CCDC187: variants seen among roughly 807,000 people sequenced by gnomAD.
CCDC187 encodes the protein coiled-coil domain containing 187.
CCDC187 carries 32 observed loss-of-function variants against 38.0 expected under a neutral mutation model. The observed-to-expected ratio is 0.84, with a 90% CI of 0.64 to 1.13. The LOEUF is 1.13. Ranked by LOEUF, CCDC187 falls within the 50% of genes most tolerant of loss-of-function variation. CCDC187 has a pLI of 0.00. For synonymous variants in CCDC187, 333 were observed against 347.9 expected (o/e 0.96, Z 0.48); for missense variants, 707 against 786.8 (o/e 0.90, Z 1.21).
At chr9:136,295,372 A>AT (rs1288066663) in intron 4 of CCDC187, among the ~76,000 whole-genome samples, 1 of 152,090 alleles carries the variant, frequency 6.6e-6, no homozygotes, top group African/African-American at 2.4e-5. Flanking sequence ...TGATGGGCAC[A>AT]TTTTTTCTTC....
intron 14 of CCDC187, among the ~76,000 whole-genome samples, 160 bp downstream of exon 14, chr9:136,274,498 G>A (rs989829590): frequency 6.6e-6 from 1 of 152,268 alleles, no homozygotes; most frequent in African/African-American, 2.4e-5. Context: ...GACAGACCTG[G>A]CTGCAGATCC....
At chr9:136,299,260 C>T (rs1480911419) in intron 3 of CCDC187, among the ~76,000 whole-genome samples, 1 of 152,136 alleles carries the variant, frequency 6.6e-6, no homozygotes, top group African/African-American at 2.4e-5. Flanking sequence ...GGACCCCGCC[C>T]ACATCTGCAC....
intron 10 of CCDC187, chr9:136,281,186 G>A (rs2131246322): frequency 2.7e-6 from 1 of 371,108 alleles, no homozygotes; most frequent in East Asian, 3.8e-5. Flanking sequence ...ACTGCTCGTT[G>A]GAAACCCCGG....
intron 10 of CCDC187, among the ~76,000 whole-genome samples, chr9:136,277,590 G>C (rs1385124590): frequency 1.3e-5 from 2 of 152,086 alleles, no homozygotes; most frequent in African/African-American, 4.8e-5. Context: ...TTCTGGGATT[G>C]GTCCAGAGCT....
At chr9:136,300,468 C>T in intron 2 of CCDC187, 150 bp from the exon 3 acceptor site, 1 of 386,526 alleles carries the variant, frequency 2.6e-6, no homozygotes, top group Non-Finnish European at 4.6e-6. Flanking sequence ...AGCTGGAGTG[C>T]AATGGCGCAA....
Position 136,259,020 on chromosome 9 carries a change from G to T in CCDC187, c.4297-19C>A. 1 of 986,092 alleles carries T rather than the reference G, an allele frequency of 1.0e-6. No individual in the cohort carries two copies. Among genetic ancestry groups the T allele is most frequent in the Non-Finnish European group, 1.2e-6 (1 of 830,492 alleles). The allele number at this position is 986,092 out of a possible 1,614,324, so 61.1% of individuals were successfully genotyped here. ...CCTCGGCCTGGGGGGTGAGACGGGA[G>T]TGGACATGGCACAGGGCCCTGAAGG... On this transcript the variant is annotated intron_variant, in intron 21 of 25. Coordinates refer to ENST00000638797, the MANE Select transcript of CCDC187 (RefSeq NM_001378188.1).
chr9:136,304,586 G>C (rs1435885355), upstream of CCDC187, among the ~76,000 whole-genome samples: 2 of 152,226 alleles, frequency 1.3e-5, no homozygotes, highest in Non-Finnish European at 2.9e-5. Context: ...GCACATCCCA[G>C]TGGGTCCGTG....
At chr9:136,285,022 GCA>G (rs1242327686) in intron 9 of CCDC187, among the ~76,000 whole-genome samples, 1 of 152,072 alleles carries the variant, frequency 6.6e-6, no homozygotes, top group African/African-American at 2.4e-5. Flanking sequence ...CGCGGGACAG[GCA>G]CAGTGTCCCC....
chr9:136,289,829 G>C (rs1408421136), intron 7 of CCDC187, 130 bp downstream of exon 7: 8 of 394,022 alleles, frequency 2.0e-5, no homozygotes, highest in Non-Finnish European at 3.6e-5. Flanking sequence ...GCAGGGCAGA[G>C]CCTGCCCCAC....
In CCDC187 at chr9:136,264,989, C is replaced by T. The variant is rs534773152; in HGVS notation, c.3735+967G>A. Among the ~76,000 whole-genome samples the T allele has an allele frequency of 9.2e-5, 14 of 152,294 alleles. No individual in the cohort carries two copies. The highest frequency in any genetic ancestry group is 1.6e-4 in the Non-Finnish European group (11 of 68,014). On this transcript the variant is annotated intron_variant, in intron 17 of 25. Transcript: ENST00000638797. The surrounding 1 kb of genome is among the most constrained non-coding windows in gnomAD (Gnocchi z 4.3). ...CCTGTCTCACATTCCTGGGCTCAAG[C>T]GATCCTCCCACCTTGGCCTCCCAAA...
At chr9:136,261,648 A>G (rs1487191851) in intron 19 of CCDC187, among the ~76,000 whole-genome samples, 4 of 152,216 alleles carry the variant, frequency 2.6e-5, no homozygotes, top group Non-Finnish European at 4.4e-5. Context: ...CACGGAGCCA[A>G]TGGCCGAGCC....
At chr9:136,282,614 G>T (rs1353107213) in intron 9 of CCDC187, among the ~76,000 whole-genome samples, 1 of 152,214 alleles carries the variant, frequency 6.6e-6, no homozygotes, top group African/African-American at 2.4e-5. Flanking sequence ...AGTGGCTGAA[G>T]ATGCTGCCCA....
intron 4 of CCDC187, chr9:136,295,933 G>C (rs960167133): frequency 3.3e-5 from 5 of 152,266 alleles, no homozygotes; most frequent in African/African-American, 4.8e-5. Context: ...GGGTGCCCGG[G>C]TCCCTACATC....
At position 136,250,821 on chromosome 9, in the gene CCDC187, C is replaced by T. The variant is rs781867720; in HGVS notation, c.*2773G>A. ...ACGGCACCTGGGGCTAAGCAGCCGC[C>T]CCGGGGCTGGAGAAGGCAGGCTGGG... On this transcript the variant is annotated 3_prime_UTR_variant, in exon 26 of 26. Transcript: ENST00000638797. The T allele has an allele frequency of 6.6e-5, 30 of 456,266 alleles. No individual in the cohort carries two copies. The highest frequency in any genetic ancestry group is 4.6e-4 in the South Asian group (30 of 64,570). The allele number at this position is 456,266 out of a possible 1,614,324, so 28.3% of individuals were successfully genotyped here. A position where few individuals can be genotyped will look rare whatever the true frequency, so the allele number is the denominator to read the frequency against.
chr9:136,302,423 C>A (rs1588678282), intron 2 of CCDC187, among the ~76,000 whole-genome samples: 1 of 151,062 alleles, frequency 6.6e-6, no homozygotes, highest in East Asian at 2.0e-4. Flanking sequence ...AGCTGCCAGA[C>A]TTTCCAAATC....
chr9:136,283,522 C>T (rs910798480), intron 9 of CCDC187, among the ~76,000 whole-genome samples: 24 of 152,366 alleles, frequency 1.6e-4, no homozygotes, highest in East Asian at 1.2e-3. Context: ...TCCACCAGCC[C>T]GGGTCCCTCC....
chr9:136,281,552 G>A lies in CCDC187; in HGVS notation c.3039C>T (p.Cys1013=), dbSNP rs2131248896. The change falls in exon 10 of 26, where the codon TGC becomes TGT. Residue 1013 remains cysteine (C), a splice_region_variant and synonymous_variant. Transcript: ENST00000638797. The part of the protein sequence containing the change: ...DSVAPCTPRS[C]GQQEDPCVRC... ...GCCTGTCCGCAGGGTCGCCCTTACC[G>A]CAGCTCCGGGGGGTGCAGGGCGCCA... The A allele has an allele frequency of 1.3e-5, 5 of 398,580 alleles. No homozygotes were observed. The highest frequency in any genetic ancestry group is 4.4e-5 in the Admixed American group (1 of 22,736). 24.7% of individuals were successfully genotyped at this position (398,580 alleles called of 1,614,324 possible).
upstream of CCDC187, among the ~76,000 whole-genome samples, chr9:136,304,323 C>T (rs1340307286): frequency 1.3e-5 from 2 of 152,166 alleles, no homozygotes; most frequent in Admixed American, 6.5e-5. Flanking sequence ...CGGGGCCTAA[C>T]CCCAGGTCAG....
Position 136,259,396 on chromosome 9 carries a change from G to T in CCDC187, c.4263C>A (p.Pro1421=), listed in dbSNP as rs1401110608. The T allele has an allele frequency of 1.5e-5, 15 of 985,326 alleles. No individual in the cohort carries two copies. The African/African-American group carries it at 2.3e-4, about 15-fold the overall frequency. The allele number at this position is 985,326 out of a possible 1,614,324, so 61.0% of individuals were successfully genotyped here. Residue 1421 remains proline (P), a synonymous_variant, in exon 21 of 26, where the codon CCC becomes CCA. Coordinates refer to ENST00000638797, the MANE Select transcript of CCDC187 (RefSeq NM_001378188.1). ...CTGGGCCCAGCCGCTGTCCGTCCGG[G>T]GGGCTCACGTGCTGCAGGCCCAGCA... ...APLLGLQHVS[P]PDGQRLGPAF...
Sources: gnomAD v4.1 joint callset for allele counts (sites outside exome capture counted in the v4.1 genomes callset) on GRCh38, gnomAD v4.1.1 for gene constraint, Gnocchi (gnomAD v3.1) non-coding constraint, MANE v1.5 for transcripts, NCBI Gene and HGNC (gene_info 2026-07-23, HGNC 2026-07-21) for gene names.